The following GRM8 variants were observed in gnomAD, a reference collection of about 807,000 sequenced individuals.
The protein encoded by GRM8 is glutamate metabotropic receptor 8, also known as metabotropic glutamate receptor 8.
In GRM8, 47 loss-of-function variants were observed where a neutral mutation model predicts 87.2. The observed-to-expected ratio is 0.54, with a 90% CI of 0.43 to 0.69. The LOEUF is 0.69. GRM8 is among the 30% of genes least tolerant of loss of function. The probability of loss-of-function intolerance (pLI) is 0.00; values close to 1 mark genes in which losing one functional copy is unlikely to be tolerated. For missense variants in GRM8, 1,019 were observed against 1,139.2 expected, an observed-to-expected ratio of 0.89 and a Z score of 1.52; for synonymous variants, 396 against 404.5, an observed-to-expected ratio of 0.98 and a Z score of 0.25.
At chr7:127,059,538 T>A (rs1820407084) in intron 3 of GRM8, among the ~76,000 whole-genome samples, 1 of 152,102 alleles carries the variant, frequency 6.6e-6, no homozygotes, top group Non-Finnish European at 1.5e-5. Flanking sequence ...GGTTTCACCC[T>A]ATTGGTCAGG....
rs575463616 is a variant in GRM8 at position 127,221,360 on chromosome 7, T to C, written c.510+21335A>G. ...CCGTTGAGCCCTGCCCAGTATTCCTTTTCCACCTGTCACCAGTGCTACTGC... is the reference window on the plus strand; with the variant it reads ...CCGTTGAGCCCTGCCCAGTATTCCTCTTCCACCTGTCACCAGTGCTACTGC... On this transcript the variant is annotated intron_variant, in intron 2 of 10. Coordinates refer to ENST00000339582, the MANE Select transcript of GRM8 (RefSeq NM_000845.3). 2.8e-4 allele frequency among the ~76,000 whole-genome samples: 42 copies of C among 152,226 alleles called. No homozygotes were observed. In the East Asian group the frequency reaches 8.1e-3, roughly 29 times the overall value.
At chr7:126,726,736 A>G (rs1416227391) in intron 7 of GRM8, among the ~76,000 whole-genome samples, 1 of 152,160 alleles carries the variant, frequency 6.6e-6, no homozygotes, top group Non-Finnish European at 1.5e-5. Context: ...AAAAATTGGT[A>G]TATCTTACTG....
intron 3 of GRM8, among the ~76,000 whole-genome samples, chr7:126,963,929 C>T (rs557707544): frequency 3.9e-5 from 6 of 152,254 alleles, no homozygotes; most frequent in Non-Finnish European, 5.9e-5. Flanking sequence ...TACAAGGATA[C>T]AGGAACCAAA....
chr7:127,129,134 G>A (rs1397266814), intron 2 of GRM8, among the ~76,000 whole-genome samples: 2 of 152,110 alleles, frequency 1.3e-5, no homozygotes, highest in African/African-American at 4.8e-5. Context: ...TTCATGCATC[G>A]TGAATTTCAT....
At chr7:126,800,721 T>C (rs964200823) in intron 6 of GRM8, among the ~76,000 whole-genome samples, 3 of 152,176 alleles carry the variant, frequency 2.0e-5, no homozygotes, top group African/African-American at 7.2e-5. Flanking sequence ...AATTCTAGAT[T>C]AATTAACGTT....
chr7:126,809,251 C>T (rs777871944), intron 6 of GRM8, among the ~76,000 whole-genome samples: 6 of 152,160 alleles, frequency 3.9e-5, no homozygotes, highest in Non-Finnish European at 8.8e-5. Context: ...AATTAGCAAT[C>T]TTAATTCCAT....
At chr7:126,791,724 G>T (rs1232895215) in intron 6 of GRM8, among the ~76,000 whole-genome samples, 2 of 152,180 alleles carry the variant, frequency 1.3e-5, no homozygotes, top group African/African-American at 2.4e-5. Flanking sequence ...CAGCTTGTGG[G>T]TAAAAGAACC....
chr7:127,211,676 G>T (rs1292910146), intron 2 of GRM8, among the ~76,000 whole-genome samples: 1 of 152,120 alleles, frequency 6.6e-6, no homozygotes, highest in Non-Finnish European at 1.5e-5. Flanking sequence ...CTTTTAAATG[G>T]GTTGAGGGAA....
intron 6 of GRM8, among the ~76,000 whole-genome samples, chr7:126,871,200 T>C (rs1799064679): frequency 6.6e-6 from 1 of 152,120 alleles, no homozygotes; most frequent in South Asian, 2.1e-4. Flanking sequence ...TTAGAGGAGA[T>C]GGAAAAGTCC....
chr7:127,133,902 C>T (rs1409537513), intron 2 of GRM8, among the ~76,000 whole-genome samples: 1 of 151,854 alleles, frequency 6.6e-6, no homozygotes, highest in Non-Finnish European at 1.5e-5. Context: ...GTTCTAGCTG[C>T]CAAGAAAAGT....
At chr7:126,722,883 C>A (rs1812531791) in intron 7 of GRM8, among the ~76,000 whole-genome samples, 1 of 79,468 alleles carries the variant, frequency 1.3e-5, no homozygotes, top group African/African-American at 8.2e-5. Context: ...ATCCTGAGAG[C>A]CTGTGAAAAA....
At chr7:127,147,549 C>A (rs1020685112) in intron 2 of GRM8, among the ~76,000 whole-genome samples, 2 of 152,008 alleles carry the variant, frequency 1.3e-5, no homozygotes, top group African/African-American at 4.8e-5. Flanking sequence ...TTCAGCTGTC[C>A]CTAAGGCTTA....
At chr7:126,952,737 C>A (rs946267548) in intron 3 of GRM8, among the ~76,000 whole-genome samples, 2 of 151,932 alleles carry the variant, frequency 1.3e-5, no homozygotes, top group African/African-American at 2.4e-5. Context: ...CCAGACAAGC[C>A]CAAATTGAGG....
intron 3 of GRM8, among the ~76,000 whole-genome samples, chr7:127,042,036 A>G (rs17865858): frequency 0.024 from 3,631 of 152,254 alleles, 147 homozygotes; most frequent in African/African-American, 0.082. Context: ...GGCACTAACA[A>G]TAGGAACTGG....
intron 3 of GRM8, among the ~76,000 whole-genome samples, chr7:127,034,552 A>G (rs929302999): frequency 2.6e-5 from 4 of 152,140 alleles, no homozygotes; most frequent in Non-Finnish European, 4.4e-5. Context: ...CCCTCTTCAT[A>G]TCCAGACCTA....
At chr7:127,040,394 A>G (rs1004566450) in intron 3 of GRM8, among the ~76,000 whole-genome samples, 3 of 152,204 alleles carry the variant, frequency 2.0e-5, no homozygotes, top group African/African-American at 4.8e-5. Context: ...TTACACTCAG[A>G]TGCCACAAAT....
chr7:126,696,667 G>A (rs1469231662), intron 7 of GRM8, among the ~76,000 whole-genome samples: 2 of 152,090 alleles, frequency 1.3e-5, no homozygotes, highest in Non-Finnish European at 2.9e-5. Flanking sequence ...ATTTGCTGAG[G>A]CTAAAAGGAA....
intron 3 of GRM8, among the ~76,000 whole-genome samples, chr7:126,970,449 T>G (rs1810303362): frequency 6.6e-6 from 1 of 152,194 alleles, no homozygotes; most frequent in Non-Finnish European, 1.5e-5. Flanking sequence ...TCCTGAAACC[T>G]CAGATTCTTT....
intron 2 of GRM8, among the ~76,000 whole-genome samples, chr7:127,220,828 C>T (rs1440066087): frequency 6.6e-6 from 1 of 152,136 alleles, no homozygotes; most frequent in Admixed American, 6.5e-5. Context: ...CAGAGTAAAT[C>T]CCATTGTAAC....
Sources: gnomAD v4.1 joint callset for allele counts (sites outside exome capture counted in the v4.1 genomes callset) on GRCh38, gnomAD v4.1.1 for gene constraint, MANE v1.5 for transcripts, NCBI Gene and HGNC (gene_info 2026-07-23, HGNC 2026-07-21) for gene names.